SLC24A2: variants seen among roughly 807,000 people sequenced by gnomAD.
SLC24A2 encodes the protein solute carrier family 24 member 2.
SLC24A2 carries 36 observed loss-of-function variants against 62.0 expected under a neutral mutation model. The observed-to-expected ratio is 0.58, with a 90% CI of 0.44 to 0.77. The LOEUF is 0.77. Among genes scored for constraint, SLC24A2 ranks in the 30% least tolerant of loss-of-function variants. The pLI, the probability that SLC24A2 is intolerant of heterozygous loss-of-function variation, is 0.00. For missense variants in SLC24A2, 846 were observed against 817.9 expected (o/e 1.03, Z -0.42); for synonymous variants, 358 against 294.0 (o/e 1.22, Z -2.23).
intron 2 of SLC24A2, among the ~76,000 whole-genome samples, chr9:19,758,144 G>A (rs1216452862): frequency 6.6e-6 from 1 of 152,136 alleles, no homozygotes; most frequent in East Asian, 1.9e-4. Context: ...CAGAGAAAGT[G>A]AAGAGATTTG....
the SLC24A2 span, among the ~76,000 whole-genome samples, chr9:20,226,543 G>C: frequency 1.3e-5 from 2 of 152,204 alleles, no homozygotes; most frequent in East Asian, 3.9e-4. Flanking sequence ...TTGGCAGGTG[G>C]GCGGCCAGAG....
chr9:19,748,337 T>C (rs988625660), intron 2 of SLC24A2, among the ~76,000 whole-genome samples: 1 of 152,194 alleles, frequency 6.6e-6, no homozygotes, highest in African/African-American at 2.4e-5. Flanking sequence ...CTCTTTACCA[T>C]GAGACTTGTT....
At chr9:20,038,219 A>T in the SLC24A2 span, among the ~76,000 whole-genome samples, 1 of 152,214 alleles carries the variant, frequency 6.6e-6, no homozygotes, top group East Asian at 1.9e-4. Context: ...CCAGCTGTGT[A>T]AGCTTGAACA....
rs1191133648 is a variant in SLC24A2 at position 19,508,313 on chromosome 9, A to T, written c.*7840T>A. ...CTCTTCAGACCACAAAACAGCCTCT[A>T]ACAGAGGAATATCACTGGCCCTTGG... On this transcript the variant is annotated 3_prime_UTR_variant, in exon 11 of 11. Transcript: ENST00000341998. 2 of 152,196 alleles carry T rather than the reference A, an allele frequency of 1.3e-5. No individual in the cohort carries two copies. The highest frequency in any genetic ancestry group is 4.8e-5 in the African/African-American group (2 of 41,454). 9.4% of individuals were successfully genotyped at this position (152,196 alleles called of 1,614,324 possible). A position where few individuals can be genotyped will look rare whatever the true frequency, so the allele number is the denominator to read the frequency against.
At chr9:20,204,030 T>C in the SLC24A2 span, among the ~76,000 whole-genome samples, 2 of 152,182 alleles carry the variant, frequency 1.3e-5, no homozygotes, top group East Asian at 1.9e-4. Context: ...CAAAAGAAAA[T>C]TCAACAAAAT....
At chr9:20,131,097 C>T in the SLC24A2 span, among the ~76,000 whole-genome samples, 1 of 151,234 alleles carries the variant, frequency 6.6e-6, no homozygotes, top group Admixed American at 6.6e-5. Flanking sequence ...CAGAAACTTC[C>T]TGTTTATAAA....
the SLC24A2 span, chr9:19,967,674 T>G: frequency 1.3e-5 from 2 of 152,224 alleles, no homozygotes; most frequent in African/African-American, 4.8e-5. Flanking sequence ...TCATAAGATA[T>G]ATCCAAACAC....
chr9:19,629,548 C>T (rs563509097), intron 2 of SLC24A2, among the ~76,000 whole-genome samples: 1 of 152,278 alleles, frequency 6.6e-6, no homozygotes, highest in South Asian at 2.1e-4. Flanking sequence ...TCTTGAAGGT[C>T]ATAGGGGCAC....
intron 3 of SLC24A2, among the ~76,000 whole-genome samples, chr9:19,621,098 G>A (rs997215913): frequency 2.0e-5 from 3 of 152,230 alleles, no homozygotes; most frequent in Admixed American, 6.5e-5. Context: ...AACTTGGGCA[G>A]TGTTTCCAAA....
chr9:19,590,154 A>T (rs1836506752), intron 5 of SLC24A2, among the ~76,000 whole-genome samples: 2 of 38,178 alleles, frequency 5.2e-5, no homozygotes, highest in South Asian at 1.6e-3. Flanking sequence ...TTGAAGAAAG[A>T]GGCTGTGGTA....
chr9:19,718,973 C>T (rs1820946388), intron 2 of SLC24A2, among the ~76,000 whole-genome samples: 1 of 152,112 alleles, frequency 6.6e-6, no homozygotes, highest in South Asian at 2.1e-4. Flanking sequence ...AAGAAGAATC[C>T]AGGTGCAATA....
chr9:19,712,485 A>G (rs1737939303), intron 2 of SLC24A2, among the ~76,000 whole-genome samples: 1 of 152,144 alleles, frequency 6.6e-6, no homozygotes, highest in Non-Finnish European at 1.5e-5. Flanking sequence ...CAGCAAAGCC[A>G]GCTAGTTCTC....
At chr9:19,911,074 C>T in the SLC24A2 span, among the ~76,000 whole-genome samples, 1 of 113,192 alleles carries the variant, frequency 8.8e-6, no homozygotes, top group East Asian at 3.0e-4. Context: ...CCCCTCCCCC[C>T]ACCCCACAAC....
At chr9:19,973,744 CTTGT>C in the SLC24A2 span, among the ~76,000 whole-genome samples, 3 of 152,132 alleles carry the variant, frequency 2.0e-5, no homozygotes, top group Non-Finnish European at 4.4e-5. Flanking sequence ...ATTTTACCCG[CTTGT>C]TTAAGATTCT....
At chr9:19,867,791 C>G in the SLC24A2 span, among the ~76,000 whole-genome samples, 4 of 152,058 alleles carry the variant, frequency 2.6e-5, no homozygotes, top group Non-Finnish European at 5.9e-5. Flanking sequence ...GCCTGTAGTC[C>G]CAGCTACTCC....
At chr9:20,057,148 A>C in the SLC24A2 span, among the ~76,000 whole-genome samples, 19 of 152,238 alleles carry the variant, frequency 1.2e-4, no homozygotes, top group Admixed American at 8.5e-4. Flanking sequence ...ATTCACAAAT[A>C]TTGGGCCAGA....
At chr9:19,529,622 C>G (rs777443593) in intron 8 of SLC24A2, among the ~76,000 whole-genome samples, 1 of 152,038 alleles carries the variant, frequency 6.6e-6, no homozygotes, top group Non-Finnish European at 1.5e-5. Context: ...TTTCCCTGCT[C>G]CCTTTCTTTC....
chr9:20,011,229 G>A, the SLC24A2 span, among the ~76,000 whole-genome samples: 7 of 152,144 alleles, frequency 4.6e-5, no homozygotes, highest in African/African-American at 1.7e-4. Context: ...CCCACCAACA[G>A]TGTAAAAGTG....
At chr9:20,106,547 T>TAC in the SLC24A2 span, among the ~76,000 whole-genome samples, 1 of 152,198 alleles carries the variant, frequency 6.6e-6, no homozygotes, top group East Asian at 1.9e-4. Flanking sequence ...GTTCAATACA[T>TAC]GCAAATCAAT....
Sources: allele counts gnomAD v4.1 joint callset (sites outside exome capture counted in the v4.1 genomes callset), GRCh38; gene constraint gnomAD v4.1.1; transcripts MANE v1.5; gene names NCBI Gene and HGNC (gene_info 2026-07-23, HGNC 2026-07-21).